SKOR2: variants seen among roughly 807,000 people sequenced by gnomAD.
SKOR2 encodes the protein LBX1 corepressor 1-like protein.
Under a neutral mutation model 69.1 loss-of-function variants are expected in SKOR2, and 47 were observed. The observed-to-expected ratio is 0.68, with a 90% CI of 0.54 to 0.87. SKOR2 has a LOEUF of 0.87. SKOR2 is among the 40% of genes least tolerant of loss of function. SKOR2 has a pLI of 0.00. For synonymous variants in SKOR2, 717 were observed against 672.6 expected (o/e 1.07, Z -1.02); for missense variants, 1,404 against 1,472.2 (o/e 0.95, Z 0.76).
In SKOR2 at chr18:47,247,237, C is replaced by T. The variant is rs2064282398; in HGVS notation, c.1947G>A (p.Ser649=). 3.4e-6 allele frequency: 5 copies of T among 1,466,260 alleles called. No homozygotes were observed. In the East Asian group the frequency reaches 9.0e-5, roughly 26 times the overall value. The allele number at this position is 1,466,260 out of a possible 1,614,324, so 90.8% of individuals were successfully genotyped here. The stretch of plus-strand genomic sequence containing the variant: ...GATGGTGGTGGGGATGCGTCTGGGC[C>T]GAGTGGGGCGCGCCCGCCGACGCCC... ...LHGASAGAPH[S]AQTHPHHHHH... is the part of the protein sequence containing the mutation. The change falls in exon 2 of 9, where the codon TCG becomes TCA. Residue 649 remains serine, a synonymous_variant. Transcript: ENST00000425639. This position sits in a 1 kb window ranked among gnomAD's most constrained non-coding sequence, Gnocchi z 6.6.
At chr18:47,249,848 AT>A (rs999329853) in intron 1 of SKOR2, among the ~76,000 whole-genome samples, 1 of 152,164 alleles carries the variant, frequency 6.6e-6, no homozygotes, top group South Asian at 2.1e-4. Flanking sequence ...AATTAGAATT[AT>A]TTTTTTGAAA....
At chr18:47,236,362 T>C (rs2064223613) in intron 4 of SKOR2, among the ~76,000 whole-genome samples, 1 of 152,248 alleles carries the variant, frequency 6.6e-6, no homozygotes, top group Non-Finnish European at 1.5e-5. Context: ...ATGTCATTTC[T>C]CTGTCCTAAG....
chr18:47,207,515 G>A (rs949677375), intron 8 of SKOR2, among the ~76,000 whole-genome samples: 1 of 152,118 alleles, frequency 6.6e-6, no homozygotes, highest in Non-Finnish European at 1.5e-5. Flanking sequence ...GTAGGGGGGT[G>A]AAAGCAGTAA....
Position 47,245,568 on chromosome 18 carries a change from G to A in SKOR2, c.2614-7C>T. 2 of 1,484,224 alleles carry A rather than the reference G, an allele frequency of 1.3e-6. No homozygotes were observed. Among genetic ancestry groups the A allele is most frequent in the Non-Finnish European group, 1.8e-6 (2 of 1,124,110 alleles). The allele number at this position is 1,484,224 out of a possible 1,614,324, so 91.9% of individuals were successfully genotyped here. ...TTTCCTTAGTTTTCTGACTCTGTGT[G>A]GAAAAGAATTAGACATACAAATCAA... is the stretch of plus-strand genomic sequence containing the variant. On this transcript the variant is annotated splice_region_variant and splice_polypyrimidine_tract_variant and intron_variant, in intron 2 of 8. Coordinates refer to ENST00000425639, the MANE Select transcript of SKOR2 (RefSeq NM_001278063.4).
At chr18:47,216,488 G>A (rs941730150) in intron 7 of SKOR2, among the ~76,000 whole-genome samples, 3 of 152,028 alleles carry the variant, frequency 2.0e-5, no homozygotes, top group African/African-American at 7.2e-5. Flanking sequence ...CATTTATAAA[G>A]ACACAAAGAG....
At chr18:47,222,821 T>C (rs955884217) in intron 6 of SKOR2, among the ~76,000 whole-genome samples, 2 of 152,186 alleles carry the variant, frequency 1.3e-5, no homozygotes, top group African/African-American at 4.8e-5. Context: ...CTAAGGGCAA[T>C]TCAGAGTGGA....
chr18:47,218,610 A>AAAAAC (rs2064151529), intron 7 of SKOR2, among the ~76,000 whole-genome samples: 1 of 150,592 alleles, frequency 6.6e-6, no homozygotes, highest in African/African-American at 2.4e-5. Flanking sequence ...AAAAAAAAAA[A>AAAAAC]TCTGAAAATG....
Position 47,248,881 on chromosome 18 carries a change from G to C in SKOR2, c.303C>G (p.Ile101Met), listed in dbSNP as rs992338223. The C allele has an allele frequency of 6.4e-7, 1 of 1,567,596 alleles. No homozygotes were observed. The highest frequency in any genetic ancestry group is 1.3e-5 in the African/African-American group (1 of 74,256). ...CVQCTPVQLE[I>M]LRRAGAMPIS... ...TGGGCATGGCCCCGGCACGCCGCAG[G>C]ATCTCCAGTTGCACCGGCGTGCACT... The change falls in exon 2 of 9, where the codon ATC becomes ATG. Residue 101 changes from isoleucine (I) to methionine (M), a missense_variant. Physicochemically the swap from Ile to Met is conservative, Grantham distance 10. Around this residue, in one of 3 missense-constraint regions of SKOR2, gnomAD observed 34 missense variants for 66.6 expected, o/e 0.51. Coordinates refer to ENST00000425639, the MANE Select transcript of SKOR2 (RefSeq NM_001278063.4). The surrounding 1 kb of genome is among the most constrained non-coding windows in gnomAD (Gnocchi z 6.4).
intron 7 of SKOR2, among the ~76,000 whole-genome samples, chr18:47,218,610 A>AAG (rs2064151529): frequency 6.6e-6 from 1 of 150,592 alleles, no homozygotes; most frequent in Non-Finnish European, 1.5e-5. Flanking sequence ...AAAAAAAAAA[A>AAG]TCTGAAAATG....
At chr18:47,216,858 A>C (rs1207790285) in intron 7 of SKOR2, among the ~76,000 whole-genome samples, 1 of 152,206 alleles carries the variant, frequency 6.6e-6, no homozygotes, top group Admixed American at 6.5e-5. Flanking sequence ...ATATAAAATA[A>C]TTTGAGTGAA....
chr18:47,213,006 A>G (rs1295301813), intron 7 of SKOR2, among the ~76,000 whole-genome samples: 1 of 152,138 alleles, frequency 6.6e-6, no homozygotes, highest in African/African-American at 2.4e-5. Flanking sequence ...ACTGCACTGA[A>G]TGGAAAATAT....
At chr18:47,215,534 C>A (rs1346931566) in intron 7 of SKOR2, among the ~76,000 whole-genome samples, 3 of 152,168 alleles carry the variant, frequency 2.0e-5, no homozygotes, top group Non-Finnish European at 4.4e-5. Context: ...AAGATAACGA[C>A]CTCTCACTCC....
rs965977171 is a variant in SKOR2 at position 47,248,082 on chromosome 18, C to A, written c.1102G>T (p.Ala368Ser). The A allele has an allele frequency of 6.5e-6, 9 of 1,384,488 alleles. No homozygotes were observed. Among genetic ancestry groups the A allele is most frequent in the Non-Finnish European group, 8.4e-6 (9 of 1,071,030 alleles). The allele number at this position is 1,384,488 out of a possible 1,614,324, so 85.8% of individuals were successfully genotyped here. The change falls in exon 2 of 9, where the codon GCG becomes TCG. Residue 368 changes from alanine to serine, a missense_variant. Coordinates refer to ENST00000425639, the MANE Select transcript of SKOR2 (RefSeq NM_001278063.4). This position sits in a 1 kb window ranked among gnomAD's most constrained non-coding sequence, Gnocchi z 6.4. Reference sequence around the variant, plus strand: ...CCTTTGGCCCCTGCCCCGGCACCCGCCCCCGCGCCCGCGCCCACGCCCACG... The same window carrying A: ...CCTTTGGCCCCTGCCCCGGCACCCGACCCCGCGCCCGCGCCCACGCCCACG... Reference protein sequence around the residue: ...AGVGVGAGAGAGAGAGAKGPR... With the variant: ...AGVGVGAGAGSGAGAGAKGPR...
chr18:47,230,591 T>C, intron 5 of SKOR2, 34 bp from the exon 6 acceptor site: 1 of 1,271,276 alleles, frequency 7.9e-7, no homozygotes, highest in African/African-American at 1.5e-5. Context: ...TTTACTAATC[T>C]TTACAAATAA....
chr18:47,229,928 G>T (rs1308887979), intron 6 of SKOR2, among the ~76,000 whole-genome samples: 2 of 152,050 alleles, frequency 1.3e-5, no homozygotes, highest in Admixed American at 6.6e-5. Context: ...ATTAAATATG[G>T]ATGGGAAATC....
At chr18:47,237,012 C>T (rs1031012772) in intron 4 of SKOR2, among the ~76,000 whole-genome samples, 5 of 152,100 alleles carry the variant, frequency 3.3e-5, no homozygotes, top group Non-Finnish European at 7.4e-5. Flanking sequence ...CAGGTAATCC[C>T]GATCACCCCT....
Position 47,248,377 on chromosome 18 carries a change from C to CGCGGCCGCG in SKOR2, c.798_806dup (p.Ala267_Ala269dup), listed in dbSNP as rs1007641052. The CGCGGCCGCG allele has an allele frequency of 1.5e-6, 2 of 1,295,410 alleles. No individual in the cohort carries two copies. Among genetic ancestry groups the CGCGGCCGCG allele is most frequent in the Non-Finnish European group, 1.9e-6 (2 of 1,031,148 alleles). The allele number at this position is 1,295,410 out of a possible 1,614,324, so 80.2% of individuals were successfully genotyped here. On this transcript the variant is annotated inframe_insertion, in exon 2 of 9. Coordinates refer to ENST00000425639, the MANE Select transcript of SKOR2 (RefSeq NM_001278063.4). The surrounding 1 kb of genome is among the most constrained non-coding windows in gnomAD (Gnocchi z 6.4). Reference sequence around the variant, plus strand: ...CCAGCAGACCCCCGCCTCCGGCCACCGCGGCCGCGGCGGCCACGGCGGCCG... The same window carrying CGCGGCCGCG: ...CCAGCAGACCCCCGCCTCCGGCCACCGCGGCCGCGGCGGCCGCGGCGGCCACGGCGGCCG...
At chr18:47,227,379 C>T (rs1165055951) in intron 6 of SKOR2, among the ~76,000 whole-genome samples, 1 of 120,278 alleles carries the variant, frequency 8.3e-6, no homozygotes, top group Non-Finnish European at 1.6e-5. Flanking sequence ...CCTGTGTTGT[C>T]CAGGCTGGAG....
rs766787418 is a variant in SKOR2, at chr18:47,247,103, G to T, written c.2081C>A (p.Ala694Asp). 1.4e-5 allele frequency: 19 copies of T among 1,327,456 alleles called. No individual in the cohort carries two copies. The African/African-American group carries it at 2.6e-4, about 18-fold the overall frequency. The allele number at this position is 1,327,456 out of a possible 1,614,324, so 82.2% of individuals were successfully genotyped here. A position where few individuals can be genotyped will look rare whatever the true frequency, so the allele number is the denominator to read the frequency against. ...DEPGSERHHP[A>D]PPPPPPPPPP... is the part of the protein sequence containing the mutation. Reference sequence around the variant, plus strand: ...GGGCGGCGGCGGCGGCGGCGGCGGGGCCGGGTGGTGGCGCTCGGAACCCGG... The same window carrying T: ...GGGCGGCGGCGGCGGCGGCGGCGGGTCCGGGTGGTGGCGCTCGGAACCCGG... The change falls in exon 2 of 9, where the codon GCC becomes GAC. Residue 694 changes from alanine to aspartate, a missense_variant. Ala to Asp is a moderately radical substitution (Grantham distance 126). Coordinates refer to ENST00000425639, the MANE Select transcript of SKOR2 (RefSeq NM_001278063.4). The surrounding 1 kb of genome is among the most constrained non-coding windows in gnomAD (Gnocchi z 6.6).
Sources: gnomAD v4.1 joint callset for allele counts (sites outside exome capture counted in the v4.1 genomes callset) on GRCh38, gnomAD v4.1.1 for gene constraint, gnomAD v4.1.1 regional missense constraint, Gnocchi (gnomAD v3.1) non-coding constraint, MANE v1.5 for transcripts, NCBI Gene and HGNC (gene_info 2026-07-23, HGNC 2026-07-21) for gene names.